The following RBFOX1 variants were observed in gnomAD, a reference collection of about 807,000 sequenced individuals.
The protein encoded by RBFOX1 is RNA binding fox-1 homolog 1.
Under a neutral mutation model 57.7 loss-of-function variants are expected in RBFOX1, and 8 were observed. The observed-to-expected ratio is 0.14, with a 90% CI of 0.08 to 0.25. The LOEUF is 0.25. Ranked by LOEUF, RBFOX1 falls within the 10% of genes least tolerant of loss-of-function variation. The pLI is 1.00. For missense variants in RBFOX1, 611 were observed against 548.5 expected, an observed-to-expected ratio of 1.11 and a Z score of -1.14; for synonymous variants, 326 against 222.4, an observed-to-expected ratio of 1.47 and a Z score of -4.15.
chr16:7,702,534 T>G (rs574922600), intron 14 of RBFOX1, among the ~76,000 whole-genome samples: 8 of 152,222 alleles, frequency 5.3e-5, no homozygotes, highest in Non-Finnish European at 1.2e-4. Flanking sequence ...AGTTTATGAT[T>G]GACAACGGAT....
intron 1 of RBFOX1, among the ~76,000 whole-genome samples, chr16:6,142,703 C>T (rs765423080): frequency 6.6e-6 from 1 of 152,172 alleles, no homozygotes; most frequent in African/African-American, 2.4e-5. Flanking sequence ...AATCCATTTA[C>T]CTTCTCTAAT....
At chr16:5,753,521 A>G (rs1468388859) in intron 3 of RBFOX1, among the ~76,000 whole-genome samples, 1 of 152,188 alleles carries the variant, frequency 6.6e-6, no homozygotes, top group Non-Finnish European at 1.5e-5. Flanking sequence ...TCTGTTTCTA[A>G]GAGCTGTCTA....
At chr16:6,657,122 C>A (rs992128520) in intron 3 of RBFOX1, among the ~76,000 whole-genome samples, 1 of 147,552 alleles carries the variant, frequency 6.8e-6, no homozygotes, top group African/African-American at 2.5e-5. Flanking sequence ...CCTCTCCTCT[C>A]CTCTCCTCTC....
intron 11 of RBFOX1, among the ~76,000 whole-genome samples, chr16:7,650,973 C>G (rs1388525968): frequency 2.0e-5 from 3 of 152,124 alleles, no homozygotes; most frequent in African/African-American, 7.2e-5. Context: ...TCTGCGGTTT[C>G]AAGCATACCA....
At chr16:6,763,664 G>T (rs1323479357) in intron 3 of RBFOX1, among the ~76,000 whole-genome samples, 1 of 152,160 alleles carries the variant, frequency 6.6e-6, no homozygotes, top group African/African-American at 2.4e-5. Context: ...TCCCAGCAAA[G>T]TATCGGGTCT....
At chr16:7,087,642 C>G (rs564982721) in intron 4 of RBFOX1, among the ~76,000 whole-genome samples, 11 of 152,162 alleles carry the variant, frequency 7.2e-5, no homozygotes, top group African/African-American at 2.6e-4. Flanking sequence ...ACATCACATA[C>G]AGTGCCACTG....
intron 5 of RBFOX1, among the ~76,000 whole-genome samples, chr16:7,563,144 C>A (rs1364915758): frequency 6.6e-6 from 1 of 152,088 alleles, no homozygotes; most frequent in Non-Finnish European, 1.5e-5. Flanking sequence ...AGTCATCAGA[C>A]AATGTGAAGA....
intron 4 of RBFOX1, among the ~76,000 whole-genome samples, chr16:7,419,187 C>A (rs903097314): frequency 6.6e-6 from 1 of 152,082 alleles, no homozygotes; most frequent in African/African-American, 2.4e-5. Context: ...GGATTACAAG[C>A]GTGAGCACCA....
intron 3 of RBFOX1, among the ~76,000 whole-genome samples, chr16:5,811,715 C>A (rs561460613): frequency 6.6e-6 from 1 of 152,314 alleles, no homozygotes; most frequent in East Asian, 1.9e-4. Context: ...TCCCAAAGTG[C>A]TGGGATTACA....
At chr16:6,742,295 C>T (rs987511882) in intron 3 of RBFOX1, among the ~76,000 whole-genome samples, 2 of 152,068 alleles carry the variant, frequency 1.3e-5, no homozygotes, top group African/African-American at 4.8e-5. Flanking sequence ...TATCATTATA[C>T]ACATGTTAAA....
intron 4 of RBFOX1, among the ~76,000 whole-genome samples, chr16:7,286,319 C>G (rs1356443221): frequency 6.6e-6 from 1 of 152,120 alleles, no homozygotes; most frequent in East Asian, 1.9e-4. Flanking sequence ...ATACAAACAT[C>G]ATGTGGCTTT....
At chr16:6,946,641 C>A (rs993261539) in intron 3 of RBFOX1, among the ~76,000 whole-genome samples, 6 of 150,942 alleles carry the variant, frequency 4.0e-5, no homozygotes, top group African/African-American at 1.5e-4. Flanking sequence ...CTGGTTCAGT[C>A]ACCCAGGCTG....
At chr16:5,679,772 C>A (rs17138337) in intron 3 of RBFOX1, among the ~76,000 whole-genome samples, 26,716 of 152,114 alleles carry the variant, frequency 0.18, 3,395 homozygotes, top group East Asian at 0.57. Flanking sequence ...CTCTACCACA[C>A]GTTTTCTGGG....
chr16:6,562,852 CTTTCTTTCTTTCTTTCTTTCTTTCTTTCT>C (rs1567693326), intron 2 of RBFOX1, among the ~76,000 whole-genome samples: 1 of 43,622 alleles, frequency 2.3e-5, no homozygotes, highest in African/African-American at 1.7e-4. Context: ...TTCTTTCTTT[CTTTCTTTCTTTCTTTCTTTCTTTCTTTCT>C]TTTTTTTTTT....
At chr16:7,026,164 T>A (rs2040864587) in intron 3 of RBFOX1, among the ~76,000 whole-genome samples, 3 of 152,112 alleles carry the variant, frequency 2.0e-5, no homozygotes, top group Admixed American at 1.3e-4. Flanking sequence ...GGGTCTCCCT[T>A]AAACCCAACT....
At chr16:6,285,413 G>A (rs1180087977) in intron 1 of RBFOX1, among the ~76,000 whole-genome samples, 1 of 152,168 alleles carries the variant, frequency 6.6e-6, no homozygotes, top group Non-Finnish European at 1.5e-5. Flanking sequence ...CAGTCTTCAT[G>A]CTGACAGGAG....
intron 2 of RBFOX1, among the ~76,000 whole-genome samples, chr16:6,321,354 C>T (rs1261784793): frequency 6.6e-6 from 1 of 152,068 alleles, no homozygotes; most frequent in Non-Finnish European, 1.5e-5. Flanking sequence ...CAGAAGTGTC[C>T]GTCCTTGTAC....
chr16:6,294,245 A>G (rs560955447), intron 1 of RBFOX1, among the ~76,000 whole-genome samples: 2 of 152,306 alleles, frequency 1.3e-5, no homozygotes, highest in South Asian at 4.1e-4. Context: ...GTCTAAAGGC[A>G]ATAGAGATGG....
Position 6,824,170 on chromosome 16 carries a change from C to G in RBFOX1, c.-16+169520C>G, listed in dbSNP as rs548391070. On this transcript the variant is annotated intron_variant, in intron 3 of 15. Transcript: ENST00000550418. ...CTGTAATCCCAGCACTTTGGGAGGC[C>G]AGGGCGGGTGGATCACCTGAGGTCA... Among the ~76,000 whole-genome samples, 15 of 152,272 alleles carry G rather than the reference C, an allele frequency of 9.9e-5. No individual in the cohort carries two copies. In the East Asian group the frequency reaches 2.9e-3, roughly 29 times the overall value.
Sources: allele counts gnomAD v4.1 joint callset (sites outside exome capture counted in the v4.1 genomes callset), GRCh38; gene constraint gnomAD v4.1.1; transcripts MANE v1.5; gene names NCBI Gene and HGNC (gene_info 2026-07-23, HGNC 2026-07-21).